The following PDCD11 variants were observed in gnomAD, a reference collection of about 807,000 sequenced individuals.
PDCD11 encodes protein RRP5 homolog.
Under a neutral mutation model 198.9 loss-of-function variants are expected in PDCD11, and 97 were observed. The observed-to-expected ratio is 0.49, with a 90% CI of 0.41 to 0.58. PDCD11 has a LOEUF of 0.58. Ranked by LOEUF, PDCD11 falls within the 20% of genes least tolerant of loss-of-function variation. PDCD11 has a pLI of 0.00. For missense variants in PDCD11, 2,102 were observed against 2,312.7 expected (o/e 0.91, Z 1.87); for synonymous variants, 893 against 918.0 (o/e 0.97, Z 0.49).
intron 8 of PDCD11, among the ~76,000 whole-genome samples, chr10:103,410,921 A>G (rs1486995702): frequency 6.6e-6 from 1 of 151,996 alleles, no homozygotes. Flanking sequence ...TAAAAATAAA[A>G]AAAATTAGCC....
intron 32 of PDCD11, 68 bp from the exon 33 acceptor site, chr10:103,443,095 GTC>G: frequency 7.2e-7 from 1 of 1,394,440 alleles, no homozygotes; most frequent in Non-Finnish European, 9.7e-7. Flanking sequence ...TGGTTCCTGA[GTC>G]TGTCTGGATG....
intron 13 of PDCD11, 147 bp downstream of exon 13, chr10:103,416,889 A>G: frequency 1.1e-6 from 1 of 904,130 alleles, no homozygotes; most frequent in South Asian, 1.6e-5. Flanking sequence ...AATGGAGGAG[A>G]CGGGGAACAG....
chr10:103,437,689 C>T (rs1202071476), intron 25 of PDCD11, among the ~76,000 whole-genome samples: 8 of 151,992 alleles, frequency 5.3e-5, no homozygotes, highest in African/African-American at 7.3e-5. Flanking sequence ...GGGGTTTCAC[C>T]GTGTTAGCCA....
chr10:103,423,415 C>A, intron 18 of PDCD11, 128 bp from the exon 19 acceptor site: 1 of 722,620 alleles, frequency 1.4e-6, no homozygotes, highest in East Asian at 2.7e-5. Flanking sequence ...AATTATGGCC[C>A]GTATGGACCC....
At chr10:103,421,899 G>A (rs1404713593) in intron 17 of PDCD11, among the ~76,000 whole-genome samples, 2 of 148,894 alleles carry the variant, frequency 1.3e-5, no homozygotes, top group African/African-American at 4.9e-5. Context: ...CCCGGGAAGC[G>A]GAGCTTGCAG....
At chr10:103,398,664 C>T in intron 2 of PDCD11, 136 bp downstream of exon 2, 1 of 652,430 alleles carries the variant, frequency 1.5e-6, no homozygotes. Context: ...AAATTTAACT[C>T]ATTTAGAGAG....
chr10:103,406,384 A>C (rs548438546), intron 6 of PDCD11, among the ~76,000 whole-genome samples: 2 of 152,316 alleles, frequency 1.3e-5, no homozygotes, highest in East Asian at 3.9e-4. Context: ...CTGAACCAGC[A>C]GTCTCCTGGC....
rs532264573 is a variant in PDCD11, at chr10:103,425,548, C to T, written c.3305+23C>T. The stretch of plus-strand genomic sequence containing the variant: ...CAAGTATGGAGGCTCTGGGGGTGGG[C>T]TGGCTTCGAGGGAGATTGTTGTTGT... On this transcript the variant is annotated intron_variant, in intron 20 of 35. Transcript: ENST00000369797. 52 of 1,585,254 alleles carry T rather than the reference C, an allele frequency of 3.3e-5. No homozygotes were observed. In the East Asian group the frequency reaches 1.1e-3, roughly 34 times the overall value.
chr10:103,414,037 T>C lies in PDCD11; in HGVS notation c.1257T>C (p.Cys419=), dbSNP rs1412121267. The part of the protein sequence containing the change: ...EAFKPGNTHK[C]RIIDYSQMDE... ...TCAAGCCAGGGAACACTCACAAGTG[T>C]AGAATTATTGACTACAGCCAAATGG... is the stretch of plus-strand genomic sequence containing the variant. The change falls in exon 10 of 36, where the codon TGT becomes TGC. Residue 419 remains cysteine, a synonymous_variant. Transcript: ENST00000369797. 8 of 1,613,526 alleles carry C rather than the reference T, an allele frequency of 5.0e-6. No individual in the cohort carries two copies. Among genetic ancestry groups the C allele is most frequent in the Non-Finnish European group, 6.8e-6 (8 of 1,179,860 alleles).
At chr10:103,444,805 C>A in intron 35 of PDCD11, 123 bp downstream of exon 35, 3 of 878,032 alleles carry the variant, frequency 3.4e-6, no homozygotes, top group South Asian at 1.5e-5. Context: ...AGATGTGATG[C>A]CCCAGGCCCA....
rs757599415 is a variant in PDCD11 at position 103,442,320 on chromosome 10, G to A, written c.4815G>A (p.Ala1605=). The change falls in exon 32 of 36, where the codon GCG becomes GCA. Residue 1605 remains alanine (A), a synonymous_variant. Transcript: ENST00000369797. ...ATCCTGGGCGGCAGCCAGAGTCCGCGGATGATTTTGACCGACTGGTGCTGA... is the reference window on the plus strand; with the variant it reads ...ATCCTGGGCGGCAGCCAGAGTCCGCAGATGATTTTGACCGACTGGTGCTGA... ...LMDPGRQPES[A]DDFDRLVLSS... 5.6e-6 allele frequency: 9 copies of A among 1,614,234 alleles called. No individual in the cohort carries two copies. Among genetic ancestry groups the A allele is most frequent in the Middle Eastern group, 1.6e-4 (1 of 6,062 alleles).
chr10:103,421,420 A>G lies in PDCD11; in HGVS notation c.2350A>G (p.Thr784Ala). The G allele has an allele frequency of 6.2e-7, 1 of 1,608,220 alleles. No individual in the cohort carries two copies. Among genetic ancestry groups the G allele is most frequent in the Non-Finnish European group, 8.5e-7 (1 of 1,177,374 alleles). ...VEGQTVAAKVTNVDEEKQRML... is the reference protein window; with the variant it reads ...VEGQTVAAKVANVDEEKQRML... ...GGGCCAGACAGTAGCGGCAAAGGTG[A>G]CCAATGTGGATGAGGAGAAGCAGCG... Residue 784 changes from threonine to alanine, a missense_variant, in exon 17 of 36, where the codon ACC (threonine) becomes GCC (alanine). Coordinates refer to ENST00000369797, the MANE Select transcript of PDCD11 (RefSeq NM_014976.2).
chr10:103,434,644 C>A, intron 24 of PDCD11, 154 bp from the exon 25 acceptor site: 1 of 629,004 alleles, frequency 1.6e-6, no homozygotes, highest in Non-Finnish European at 2.7e-6. Context: ...GGCTACATGG[C>A]AGGGTGATCT....
chr10:103,419,781 G>C (rs1171138146), intron 16 of PDCD11, 73 bp downstream of exon 16: 1 of 1,370,458 alleles, frequency 7.3e-7, no homozygotes. Flanking sequence ...GGGTAGGGAG[G>C]AGTAGGATAC....
Position 103,419,724 on chromosome 10 carries a change from T to C in PDCD11, c.2277+16T>C, listed in dbSNP as rs2031317479. On this transcript the variant is annotated intron_variant, in intron 16 of 35. Coordinates refer to ENST00000369797, the MANE Select transcript of PDCD11 (RefSeq NM_014976.2). ...CCCAAAAGCTGTAAGTTCAACTCCA[T>C]GTACAAGGGCTTTGAGGAGAGATAC... 6.2e-7 allele frequency: 1 copy of C among 1,612,390 alleles called. No homozygotes were observed. Among genetic ancestry groups the C allele is most frequent in the Non-Finnish European group, 8.5e-7 (1 of 1,178,918 alleles).
intron 29 of PDCD11, 24 bp downstream of exon 29, chr10:103,440,605 G>A: frequency 6.2e-7 from 1 of 1,608,630 alleles, no homozygotes; most frequent in South Asian, 1.1e-5. Flanking sequence ...GAGGGCTGTG[G>A]CTGCCTATCC....
intron 8 of PDCD11, among the ~76,000 whole-genome samples, chr10:103,410,942 G>T (rs758518025): frequency 2.9e-4 from 44 of 152,020 alleles, no homozygotes; most frequent in Non-Finnish European, 8.8e-5. Flanking sequence ...AGACCTGGTG[G>T]TGCGTGCCTG....
intron 27 of PDCD11, among the ~76,000 whole-genome samples, 153 bp from the exon 28 acceptor site, chr10:103,439,593 C>G (rs2032292076): frequency 6.6e-6 from 1 of 152,208 alleles, no homozygotes; most frequent in Non-Finnish European, 1.5e-5. Flanking sequence ...TTCAAGTTTA[C>G]AAAGCCCACT....
rs953628160 is a variant in PDCD11, at chr10:103,406,490, G to C, written c.689-119G>C. The C allele has an allele frequency of 4.9e-6, 4 of 815,514 alleles. No individual in the cohort carries two copies. In the African/African-American group the frequency reaches 6.9e-5, roughly 14 times the overall value. 50.5% of individuals were successfully genotyped at this position (815,514 alleles called of 1,614,324 possible). On this transcript the variant is annotated intron_variant, in intron 6 of 35. Transcript: ENST00000369797. ...CCCTTAAAGATTGGGAATTTGGGGA[G>C]TAACTGATGCTAACTGGGCAGGTAG...
Sources: allele counts gnomAD v4.1 joint callset (sites outside exome capture counted in the v4.1 genomes callset), GRCh38; gene constraint gnomAD v4.1.1; transcripts MANE v1.5; gene names NCBI Gene and HGNC (gene_info 2026-07-23, HGNC 2026-07-21).